The following GBP5 variants were observed in gnomAD, a reference collection of about 807,000 sequenced individuals.
The protein encoded by GBP5 is guanylate-binding protein 5.
Under a neutral mutation model 58.2 loss-of-function variants are expected in GBP5, and 48 were observed. The ratio of observed to expected loss-of-function variants is 0.83; its 90% CI spans 0.65 to 1.05. The LOEUF (loss-of-function observed/expected upper bound fraction) is 1.05. Among genes scored for constraint, GBP5 ranks in the 50% least tolerant of loss-of-function variants. The pLI is 0.00. For missense variants in GBP5, 714 were observed against 686.8 expected (o/e 1.04, Z -0.44); for synonymous variants, 248 against 251.8 (o/e 0.98, Z 0.14).
At chr1:89,269,657 G>A in intron 2 of GBP5, 83 bp from the exon 3 acceptor site, 1 of 874,486 alleles carries the variant, frequency 1.1e-6, no homozygotes, top group Non-Finnish European at 1.8e-6. Flanking sequence ...ACTGAACCTG[G>A]GGACATACTA....
chr1:89,270,155 C>G (rs1041194202), intron 2 of GBP5: 1 of 152,134 alleles, frequency 6.6e-6, no homozygotes, highest in Non-Finnish European at 1.5e-5. Context: ...ACCAAAACTT[C>G]AAAGCATGAT....
rs1650137022 is a variant in GBP5, at chr1:89,264,677, A to C, written c.1149+9T>G. 6.2e-7 allele frequency: 1 copy of C among 1,609,930 alleles called. No individual in the cohort carries two copies. The highest frequency in any genetic ancestry group is 8.5e-7 in the Non-Finnish European group (1 of 1,176,674). On this transcript the variant is annotated intron_variant, in intron 8 of 11. Transcript: ENST00000370459. Reference sequence around the variant, plus strand: ...CTTAATCCCCATGAACTAGAAACAAAAATATCACCTCCAATTCTTTCTGGA... The same window carrying C: ...CTTAATCCCCATGAACTAGAAACAACAATATCACCTCCAATTCTTTCTGGA...
rs752091819 is a variant in GBP5, at chr1:89,269,414, G to A, written c.142C>T (p.Arg48Cys). The change falls in exon 3 of 12, where the codon CGC becomes TGC. Residue 48 changes from arginine to cysteine, a missense_variant. Coordinates refer to ENST00000370459, the MANE Select transcript of GBP5 (RefSeq NM_052942.5). ...VVVVAIVGLY[R>C]TGKSYLMNKL... is the part of the protein sequence containing the mutation. Reference sequence around the variant, plus strand: ...TTCATCAGGTAGGATTTGCCAGTGCGATAGAGGCCCACAATCGCTACCACA... The same window carrying A: ...TTCATCAGGTAGGATTTGCCAGTGCAATAGAGGCCCACAATCGCTACCACA... 22 of 1,614,110 alleles carry A rather than the reference G, an allele frequency of 1.4e-5. No homozygotes were observed. The highest frequency in any genetic ancestry group is 2.2e-5 in the East Asian group (1 of 44,868).
intron 7 of GBP5, 55 bp downstream of exon 7, chr1:89,266,291 A>T: frequency 1.4e-6 from 2 of 1,447,622 alleles, no homozygotes; most frequent in Admixed American, 3.8e-5. Flanking sequence ...TCTTATAAAA[A>T]GTGTCCCTTA....
At chr1:89,261,974 ATAACCC>A in intron 11 of GBP5, 1 of 476,828 alleles carries the variant, frequency 2.1e-6, no homozygotes, top group African/African-American at 2.0e-5. Context: ...AATTATCAAA[ATAACCC>A]TATAACATAG....
intron 10 of GBP5, 88 bp from the exon 11 acceptor site, chr1:89,262,489 G>T: frequency 8.0e-7 from 1 of 1,253,372 alleles, no homozygotes; most frequent in Non-Finnish European, 1.1e-6. Context: ...CAACTTCCTG[G>T]ATAAAATTCC....
In GBP5 at chr1:89,257,338, T is replaced by C. The variant is rs759169999; in HGVS notation, c.*3366A>G. The stretch of plus-strand genomic sequence containing the variant: ...TATTCACTATCATGAAAAAAGCACA[T>C]GAAAACCCACCCCCATGATTTGATT... On this transcript the variant is annotated 3_prime_UTR_variant, in exon 12 of 12. Transcript: ENST00000370459. Among the ~76,000 whole-genome samples the C allele has an allele frequency of 8.5e-5, 13 of 152,072 alleles. No individual in the cohort carries two copies. Among genetic ancestry groups the C allele is most frequent in the Admixed American group, 3.3e-4 (5 of 15,264 alleles).
At chr1:89,264,413 A>G (rs1650127244) in intron 8 of GBP5, among the ~76,000 whole-genome samples, 1 of 152,232 alleles carries the variant, frequency 6.6e-6, no homozygotes, top group African/African-American at 2.4e-5. Flanking sequence ...AATACTTTGT[A>G]AATGCAACTG....
chr1:89,272,676 G>T lies in GBP5; in HGVS notation c.-352C>A, dbSNP rs1002889553. ...AGTGTTACAGCTCTTAAGGCTGCGCGTCTGGAGTTGTTTGTTCCTCCTGGT... is the reference window on the plus strand; with the variant it reads ...AGTGTTACAGCTCTTAAGGCTGCGCTTCTGGAGTTGTTTGTTCCTCCTGGT... On this transcript the variant is annotated 5_prime_UTR_variant, in exon 1 of 12. Coordinates refer to ENST00000370459, the MANE Select transcript of GBP5 (RefSeq NM_052942.5). 17 of 154,582 alleles carry T rather than the reference G, an allele frequency of 1.1e-4. No homozygotes were observed. Among genetic ancestry groups the T allele is most frequent in the African/African-American group, 4.1e-4 (17 of 41,416 alleles). The allele number at this position is 154,582 out of a possible 1,614,324, so 9.6% of individuals were successfully genotyped here.
At position 89,267,031 on chromosome 1, in the gene GBP5, C is replaced by T; in HGVS notation, c.551G>A (p.Cys184Tyr). ...PDLVWTLRDFCLGLEIDGQLV... is the reference protein window; with the variant it reads ...PDLVWTLRDFYLGLEIDGQLV... ...TTGCCCATCTATTTCCAGGCCTAAG[C>T]AGAAATCTCTCAGAGTCCACACTAA... Residue 184 changes from cysteine (C) to tyrosine (Y), a missense_variant, in exon 6 of 12, where the codon TGC becomes TAC. Physicochemically the swap from Cys to Tyr is radical, Grantham distance 194. Coordinates refer to ENST00000370459, the MANE Select transcript of GBP5 (RefSeq NM_052942.5). The T allele has an allele frequency of 6.2e-7, 1 of 1,612,452 alleles. No homozygotes were observed.
chr1:89,268,628 T>C lies in GBP5; in HGVS notation c.318+101A>G, dbSNP rs183061659. ...CAAAGGAAAACAATGGGGGTATACATTGGTCAAGTGGAACTACAAATTTAG... is the reference window on the plus strand; with the variant it reads ...CAAAGGAAAACAATGGGGGTATACACTGGTCAAGTGGAACTACAAATTTAG... On this transcript the variant is annotated intron_variant, in intron 4 of 11. Coordinates refer to ENST00000370459, the MANE Select transcript of GBP5 (RefSeq NM_052942.5). 36 of 1,199,892 alleles carry C rather than the reference T, an allele frequency of 3.0e-5. No individual in the cohort carries two copies. In the Middle Eastern group the frequency reaches 1.0e-3, roughly 34 times the overall value. 74.3% of individuals were successfully genotyped at this position (1,199,892 alleles called of 1,614,324 possible).
At chr1:89,265,925 T>C (rs951652991) in intron 7 of GBP5, among the ~76,000 whole-genome samples, 3 of 152,314 alleles carry the variant, frequency 2.0e-5, no homozygotes, top group Middle Eastern at 3.4e-3. Context: ...TTAGATTTCA[T>C]TTAGGGTTTT....
intron 10 of GBP5, 133 bp from the exon 11 acceptor site, chr1:89,262,534 G>T: frequency 1.1e-6 from 1 of 910,582 alleles, no homozygotes; most frequent in African/African-American, 1.7e-5. Context: ...TAACCACAAT[G>T]CAGGATCATG....
chr1:89,270,554 A>G (rs1650402650), intron 2 of GBP5: 1 of 152,212 alleles, frequency 6.6e-6, no homozygotes, highest in Non-Finnish European at 1.5e-5. Context: ...GGAAATCATT[A>G]TGTTGACATA....
chr1:89,262,249 G>A lies in GBP5; in HGVS notation c.1618C>T (p.Gln540Ter). The change falls in exon 11 of 12, where the codon CAA becomes TAA. Residue 540 changes from glutamine (Q) to a stop codon, truncating the protein, a stop_gained. Coordinates refer to ENST00000370459, the MANE Select transcript of GBP5 (RefSeq NM_052942.5). LOFTEE classifies it low-confidence loss of function (END_TRUNC). ...ATCTGTTGTTCCTGCATTTTCTGTT[G>A]CTCTGCCAGCCAATTTTGTTTGGCT... is the stretch of plus-strand genomic sequence containing the variant. ...EIAKQNWLAE[Q>*]QKMQEQQMQE... 6.2e-7 allele frequency: 1 copy of A among 1,614,092 alleles called. No homozygotes were observed. The highest frequency in any genetic ancestry group is 8.5e-7 in the Non-Finnish European group (1 of 1,179,990).
rs1423118670 is a variant in GBP5 at position 89,257,016 on chromosome 1, A to G, written c.*3688T>C. Among the ~76,000 whole-genome samples the G allele has an allele frequency of 6.6e-6, 1 of 152,168 alleles. No individual in the cohort carries two copies. Among genetic ancestry groups the G allele is most frequent in the East Asian group, 1.9e-4 (1 of 5,204 alleles). On this transcript the variant is annotated 3_prime_UTR_variant, in exon 12 of 12. Transcript: ENST00000370459. ...AATTCTTATACATTGTTTTGAATCTATGCTTTTGATTTCAATTATTTTAGT... is the reference window on the plus strand; with the variant it reads ...AATTCTTATACATTGTTTTGAATCTGTGCTTTTGATTTCAATTATTTTAGT...
At chr1:89,265,600 T>C (rs1205702386) in intron 7 of GBP5, among the ~76,000 whole-genome samples, 1 of 150,964 alleles carries the variant, frequency 6.6e-6, no homozygotes, top group African/African-American at 2.4e-5. Context: ...TGGTGGCGGG[T>C]GCCTGTAGTC....
At chr1:89,269,691 T>TG in intron 2 of GBP5, 117 bp from the exon 3 acceptor site, 2 of 587,560 alleles carry the variant, frequency 3.4e-6, no homozygotes, top group Admixed American at 3.0e-5. Flanking sequence ...CCTAAGTTTC[T>TG]GGAAAAAAAA....
chr1:89,268,823 G>C lies in GBP5; in HGVS notation c.224C>G (p.Thr75Ser). 6.2e-7 allele frequency: 1 copy of C among 1,613,952 alleles called. No homozygotes were observed. Among genetic ancestry groups the C allele is most frequent in the Non-Finnish European group, 8.5e-7 (1 of 1,179,918 alleles). The change falls in exon 4 of 12, where the codon ACC (threonine) becomes AGC (serine). Residue 75 changes from threonine (T) to serine (S), a missense_variant. Physicochemically the swap from Thr to Ser is moderately conservative, Grantham distance 58. Coordinates refer to ENST00000370459, the MANE Select transcript of GBP5 (RefSeq NM_052942.5). The part of the protein sequence containing the change: ...FSVASTVQSH[T>S]KGIWIWCVPH... ...CACACACCATATCCAAATTCCCTTGGTGTGAGACTGCACCGTAGATGCAAC... is the reference window on the plus strand; with the variant it reads ...CACACACCATATCCAAATTCCCTTGCTGTGAGACTGCACCGTAGATGCAAC...
Sources: allele counts gnomAD v4.1 joint callset (sites outside exome capture counted in the v4.1 genomes callset), GRCh38; gene constraint gnomAD v4.1.1; transcripts MANE v1.5; gene names NCBI Gene and HGNC (gene_info 2026-07-23, HGNC 2026-07-21).